SDK1: variants seen among roughly 807,000 people sequenced by gnomAD.
SDK1 encodes sidekick cell adhesion molecule 1, also known as protein sidekick-1.
SDK1 carries 157 observed loss-of-function variants against 245.5 expected under a neutral mutation model. The ratio of observed to expected loss-of-function variants is 0.64; its 90% CI spans 0.56 to 0.73. The LOEUF is 0.73. Among genes scored for constraint, SDK1 ranks in the 30% least tolerant of loss-of-function variants. SDK1 has a pLI of 0.00. For synonymous variants in SDK1, 1,647 were observed against 1,278.5 expected (o/e 1.29, Z -6.15); for missense variants, 3,583 against 3,002.3 (o/e 1.19, Z -4.52).
chr7:3,327,553 C>T (rs151106696), intron 1 of SDK1, among the ~76,000 whole-genome samples: 19 of 151,960 alleles, frequency 1.3e-4, no homozygotes, highest in South Asian at 1.0e-3. Flanking sequence ...AGATTTAAAG[C>T]GGTTTTGCCA....
At chr7:3,807,382 C>A (rs1051864999) in intron 4 of SDK1, among the ~76,000 whole-genome samples, 2 of 152,222 alleles carry the variant, frequency 1.3e-5, no homozygotes, top group Non-Finnish European at 2.9e-5. Flanking sequence ...ACCCAGCATG[C>A]TGTGGTATAG....
At chr7:3,972,804 G>A (rs531538728) in intron 12 of SDK1, among the ~76,000 whole-genome samples, 102 of 152,260 alleles carry the variant, frequency 6.7e-4, no homozygotes, top group African/African-American at 2.3e-3. Flanking sequence ...GTCGCCACCC[G>A]ACTCCCTGGG....
chr7:4,175,688 C>T (rs1782158594), intron 33 of SDK1, 87 bp from the exon 34 acceptor site: 2 of 1,111,268 alleles, frequency 1.8e-6, no homozygotes, highest in South Asian at 1.2e-5. Context: ...CAGTAAGGCA[C>T]CTGTCTCCCT....
In SDK1 at chr7:3,485,588, C is replaced by A. The variant is rs112590111; in HGVS notation, c.299-133492C>A. ...TTGTTAAGCTAAAACCAGGTCCTGTCATCTCCCATCTGATTTTTAGCTGTT... is the reference window on the plus strand; with the variant it reads ...TTGTTAAGCTAAAACCAGGTCCTGTAATCTCCCATCTGATTTTTAGCTGTT... On this transcript the variant is annotated intron_variant, in intron 1 of 44. Coordinates refer to ENST00000404826, the MANE Select transcript of SDK1 (RefSeq NM_152744.4). 5.3e-5 allele frequency among the ~76,000 whole-genome samples: 8 copies of A among 150,368 alleles called. 1 individual carries two copies. Among genetic ancestry groups the A allele is most frequent in the South Asian group, 4.2e-4 (2 of 4,752 alleles).
chr7:3,773,996 C>T (rs1181893348), intron 4 of SDK1, among the ~76,000 whole-genome samples: 4 of 152,028 alleles, frequency 2.6e-5, no homozygotes, highest in African/African-American at 9.7e-5. Flanking sequence ...GGGTGGATCA[C>T]GAGGTCAGGA....
At chr7:4,161,933 A>C in intron 32 of SDK1, 77 bp downstream of exon 32, 1 of 1,290,568 alleles carries the variant, frequency 7.7e-7, no homozygotes, top group Non-Finnish European at 1.1e-6. Context: ...AACGGCTGAC[A>C]TGGACTGCAA....
intron 41 of SDK1, among the ~76,000 whole-genome samples, chr7:4,235,453 G>A (rs147561213): frequency 2.6e-5 from 4 of 152,230 alleles, no homozygotes; most frequent in African/African-American, 4.8e-5. Flanking sequence ...AGTGAGTCAC[G>A]GCGCCCAGCT....
At chr7:3,790,482 C>G (rs1294043208) in intron 4 of SDK1, among the ~76,000 whole-genome samples, 1 of 152,064 alleles carries the variant, frequency 6.6e-6, no homozygotes, top group Non-Finnish European at 1.5e-5. Context: ...GAATGGCCCA[C>G]ACAGAGGCAA....
chr7:3,699,708 T>G (rs907650267), intron 4 of SDK1, among the ~76,000 whole-genome samples: 11 of 151,970 alleles, frequency 7.2e-5, no homozygotes, highest in African/African-American at 2.7e-4. Flanking sequence ...GAGGGTAGAG[T>G]TGAAGAATTA....
chr7:4,029,228 T>TTTTTTTTTTTTTTTTGTG (rs746967075), intron 17 of SDK1, among the ~76,000 whole-genome samples: 1 of 112,088 alleles, frequency 8.9e-6, no homozygotes, highest in African/African-American at 5.0e-5. Context: ...TTTTTTTTTT[T>TTTTTTTTTTTTTTTTGTG]TGTGAAGAAG....
At chr7:4,181,158 C>T (rs1348669480) in intron 35 of SDK1, among the ~76,000 whole-genome samples, 3 of 152,226 alleles carry the variant, frequency 2.0e-5, no homozygotes, top group East Asian at 3.8e-4. Context: ...ACTGCAAGTT[C>T]ACCTCTCGAT....
intron 30 of SDK1, among the ~76,000 whole-genome samples, chr7:4,154,686 G>C (rs1436438484): frequency 6.6e-6 from 1 of 152,204 alleles, no homozygotes; most frequent in African/African-American, 2.4e-5. Context: ...GGAAGCCCCG[G>C]TGCTGCTATC....
intron 4 of SDK1, among the ~76,000 whole-genome samples, chr7:3,701,157 G>A (rs572135168): frequency 6.6e-6 from 1 of 152,212 alleles, no homozygotes; most frequent in African/African-American, 2.4e-5. Context: ...TACAGTAGCA[G>A]TAAGCGTGGA....
chr7:3,481,874 C>G (rs1562513367), intron 1 of SDK1, among the ~76,000 whole-genome samples: 1 of 152,194 alleles, frequency 6.6e-6, no homozygotes, highest in Non-Finnish European at 1.5e-5. Context: ...ATTGCACAGT[C>G]TGTTTTCTGC....
At chr7:3,891,483 A>T (rs1353660338) in intron 5 of SDK1, among the ~76,000 whole-genome samples, 1 of 152,194 alleles carries the variant, frequency 6.6e-6, no homozygotes, top group Non-Finnish European at 1.5e-5. Flanking sequence ...GGTCTATGTT[A>T]ATCCAGCCGA....
intron 1 of SDK1, among the ~76,000 whole-genome samples, chr7:3,606,103 C>G (rs1781415988): frequency 6.6e-6 from 1 of 152,170 alleles, no homozygotes; most frequent in Non-Finnish European, 1.5e-5. Flanking sequence ...CTAAGTTCAA[C>G]ACTGAGCTCT....
At chr7:4,145,336 T>C (rs564191588) in intron 28 of SDK1, among the ~76,000 whole-genome samples, 1 of 152,158 alleles carries the variant, frequency 6.6e-6, no homozygotes, top group African/African-American at 2.4e-5. Flanking sequence ...ATTAAACGAC[T>C]TCCTAAGAGA....
chr7:3,953,236 G>A (rs1179509728), intron 7 of SDK1, among the ~76,000 whole-genome samples: 1 of 151,910 alleles, frequency 6.6e-6, no homozygotes, highest in Admixed American at 6.5e-5. Flanking sequence ...CACAAAAGGT[G>A]GTTTACCTTG....
chr7:3,933,892 A>G (rs1008873809), intron 5 of SDK1, among the ~76,000 whole-genome samples: 8 of 152,212 alleles, frequency 5.3e-5, no homozygotes, highest in African/African-American at 1.9e-4. Context: ...GCCCTAAGAA[A>G]CCTGTCTCTC....
Sources: allele counts gnomAD v4.1 joint callset (sites outside exome capture counted in the v4.1 genomes callset), GRCh38; gene constraint gnomAD v4.1.1; transcripts MANE v1.5; gene names NCBI Gene and HGNC (gene_info 2026-07-23, HGNC 2026-07-21).